The following PAPPA variants were observed in gnomAD, a reference collection of about 807,000 sequenced individuals.
The protein encoded by PAPPA is pappalysin 1, also known as pappalysin-1.
Under a neutral mutation model 164.0 loss-of-function variants are expected in PAPPA, and 60 were observed. The ratio of observed to expected loss-of-function variants is 0.37; its 90% confidence interval spans 0.30 to 0.45. PAPPA has a LOEUF of 0.45. Ranked by LOEUF, PAPPA falls within the 20% of genes least tolerant of loss-of-function variation. The pLI is 1.00. For synonymous variants in PAPPA, 875 were observed against 814.1 expected (o/e 1.07, Z -1.27); for missense variants, 1,782 against 2,087.3 (o/e 0.85, Z 2.85).
chr9:116,367,412 G>A (rs7020944), intron 18 of PAPPA, among the ~76,000 whole-genome samples: 20,466 of 152,192 alleles, frequency 0.13, 1,659 homozygotes, highest in Non-Finnish European at 0.18. Context: ...TCAAACTAGG[G>A]TCAGAGCCAA....
intron 12 of PAPPA, among the ~76,000 whole-genome samples, chr9:116,333,738 T>C (rs1846022944): frequency 1.3e-5 from 2 of 152,202 alleles, no homozygotes; most frequent in East Asian, 1.9e-4. Flanking sequence ...ATTTTCATAG[T>C]TGTCGTTGCA....
At chr9:116,354,611 T>C in intron 17 of PAPPA, among the ~76,000 whole-genome samples, 1 of 152,068 alleles carries the variant, frequency 6.6e-6, no homozygotes, top group East Asian at 1.9e-4. Flanking sequence ...TCTCACTCCC[T>C]CCATATCCAA....
intron 15 of PAPPA, among the ~76,000 whole-genome samples, chr9:116,351,032 C>T (rs1466482982): frequency 1.3e-5 from 2 of 152,140 alleles, no homozygotes; most frequent in African/African-American, 4.8e-5. Context: ...GAGGAGCGTA[C>T]ATAAAATTGC....
chr9:116,383,943 A>AAAAG (rs1846768129), intron 21 of PAPPA, among the ~76,000 whole-genome samples: 1 of 152,228 alleles, frequency 6.6e-6, no homozygotes, highest in South Asian at 2.1e-4. Context: ...AGAAGAAAAC[A>AAAAG]AAAGAATTCA....
intron 7 of PAPPA, among the ~76,000 whole-genome samples, chr9:116,261,776 T>C (rs1587977151): frequency 1.3e-5 from 2 of 152,192 alleles, no homozygotes; most frequent in East Asian, 3.9e-4. Flanking sequence ...ACTGAGATCA[T>C]ATCAACCAGA....
intron 7 of PAPPA, among the ~76,000 whole-genome samples, chr9:116,257,658 C>A (rs1844945280): frequency 6.6e-6 from 1 of 151,882 alleles, no homozygotes; most frequent in Admixed American, 6.6e-5. Flanking sequence ...GCCGAGATCG[C>A]GCCACTGCAC....
intron 8 of PAPPA, among the ~76,000 whole-genome samples, chr9:116,267,842 T>A (rs886104358): frequency 2.5e-4 from 32 of 129,592 alleles, no homozygotes; most frequent in Middle Eastern, 5.4e-3. Flanking sequence ...GCCACTGCAG[T>A]CTGCAGTCCG....
chr9:116,352,967 A>C (rs375634126), intron 16 of PAPPA, 51 bp downstream of exon 16: 9 of 1,373,132 alleles, frequency 6.6e-6, no homozygotes, highest in African/African-American at 1.4e-5. Flanking sequence ...GACAAGAGTT[A>C]GGTTCAAATG....
rs117591100 is a variant in PAPPA at position 116,210,364 on chromosome 9, T to C, written c.1625-1275T>C. On this transcript the variant is annotated intron_variant, in intron 3 of 21. Coordinates refer to ENST00000328252, the MANE Select transcript of PAPPA (RefSeq NM_002581.5). ...CTCTGCATAGACTCTATGAGTCCCT[T>C]GACTGAGCAAGCACACCATTCCAGA... is the stretch of plus-strand genomic sequence containing the variant. 3.9e-4 allele frequency among the ~76,000 whole-genome samples: 59 copies of C among 152,250 alleles called. 1 individual carries two copies. The East Asian group carries it at 0.011, about 27-fold the overall frequency.
chr9:116,356,727 G>A (rs1370213028), intron 17 of PAPPA, among the ~76,000 whole-genome samples: 3 of 152,034 alleles, frequency 2.0e-5, no homozygotes, highest in African/African-American at 4.8e-5. Flanking sequence ...ATCTGTTTTG[G>A]TACCAGTACC....
At chr9:116,217,565 AT>A (rs1158633207) in intron 4 of PAPPA, among the ~76,000 whole-genome samples, 1 of 152,144 alleles carries the variant, frequency 6.6e-6, no homozygotes, top group Non-Finnish European at 1.5e-5. Context: ...TTATTGTTAG[AT>A]CAAAGAGAAT....
chr9:116,156,275 C>CGT (rs112482587), intron 1 of PAPPA, among the ~76,000 whole-genome samples: 70,006 of 135,148 alleles, frequency 0.52, 18,683 homozygotes, highest in Non-Finnish European at 0.62. Context: ...TACATAAATA[C>CGT]GTGTGTGTGT....
intron 14 of PAPPA, 47 bp downstream of exon 14, chr9:116,344,758 G>T (rs766006267): frequency 6.4e-7 from 1 of 1,558,928 alleles, no homozygotes; most frequent in Non-Finnish European, 8.8e-7. Context: ...CCCAGGGAAG[G>T]CTTACTGGGT....
intron 9 of PAPPA, among the ~76,000 whole-genome samples, chr9:116,292,596 G>T (rs1294517511): frequency 1.3e-5 from 2 of 152,128 alleles, no homozygotes; most frequent in Admixed American, 6.5e-5. Context: ...AATGTGGGGA[G>T]AAATCAGTAT....
At chr9:116,202,729 T>C (rs1008514093) in intron 2 of PAPPA, among the ~76,000 whole-genome samples, 5 of 152,022 alleles carry the variant, frequency 3.3e-5, no homozygotes, top group Non-Finnish European at 7.4e-5. Flanking sequence ...AGGGGAGGGG[T>C]GTGGAGGAGG....
At chr9:116,243,297 A>G (rs1421014421) in intron 7 of PAPPA, among the ~76,000 whole-genome samples, 3 of 152,200 alleles carry the variant, frequency 2.0e-5, no homozygotes, top group Non-Finnish European at 2.9e-5. Flanking sequence ...AAATTTAGTC[A>G]CTGTGTTAAC....
In PAPPA at chr9:116,231,766, C is replaced by CTTTTTTTCTTT. The variant is rs1844599211; in HGVS notation, c.2234-3366_2234-3365insCTTTTTTTTTT. On this transcript the variant is annotated intron_variant, in intron 6 of 21. Transcript: ENST00000328252. ...GTGGTTTTTCTTTTCTTTTCTTTTT[C>CTTTTTTTCTTT]TTTTTTTTTTTTGAGATGGAGTTTC... Among the ~76,000 whole-genome samples, 4 of 57,524 alleles carry CTTTTTTTCTTT rather than the reference C, an allele frequency of 7.0e-5. 1 individual carries two copies. Among genetic ancestry groups the CTTTTTTTCTTT allele is most frequent in the Admixed American group, 2.4e-4 (1 of 4,236 alleles). 37.7% of individuals were successfully genotyped at this position (57,524 alleles called of 152,430 possible).
chr9:116,286,614 G>A (rs1344364542), intron 9 of PAPPA: 2 of 152,068 alleles, frequency 1.3e-5, no homozygotes, highest in Non-Finnish European at 2.9e-5. Context: ...TGGGCCCAGC[G>A]TGTTCAATCA....
At chr9:116,304,598 A>C (rs1845620567) in intron 10 of PAPPA, among the ~76,000 whole-genome samples, 1 of 152,210 alleles carries the variant, frequency 6.6e-6, no homozygotes, top group South Asian at 2.1e-4. Context: ...TATTGCGACT[A>C]ATGTGAGAAA....
Sources: allele counts gnomAD v4.1 joint callset (sites outside exome capture counted in the v4.1 genomes callset), GRCh38; gene constraint gnomAD v4.1.1; transcripts MANE v1.5; gene names NCBI Gene and HGNC (gene_info 2026-07-23, HGNC 2026-07-21).